Variants in TMEM63A observed in about 807,000 individuals in gnomAD.
The protein encoded by TMEM63A is mechanosensitive cation channel TMEM63A.
Under a neutral mutation model 100.6 loss-of-function variants are expected in TMEM63A, and 76 were observed. That is an observed-to-expected ratio of 0.76 (90% CI 0.63 to 0.91). The LOEUF (loss-of-function observed/expected upper bound fraction) is 0.91. TMEM63A is among the 40% of genes least tolerant of loss of function. The pLI is 0.00. For missense variants in TMEM63A, 876 were observed against 1,008.8 expected, an observed-to-expected ratio of 0.87 and a Z score of 1.78; for synonymous variants, 401 against 401.1, an observed-to-expected ratio of 1.00 and a Z score of 0.00.
intron 2 of TMEM63A, among the ~76,000 whole-genome samples, chr1:225,878,083 C>T (rs187999350): frequency 2.7e-4 from 41 of 152,262 alleles, no homozygotes; most frequent in Non-Finnish European, 1.9e-4. Flanking sequence ...TCCAAGTATT[C>T]ACGATGGTCC....
At position 225,867,875 on chromosome 1, in the gene TMEM63A, G is replaced by A; in HGVS notation, c.514+13C>T. 6.2e-7 allele frequency: 1 copy of A among 1,614,042 alleles called. No individual in the cohort carries two copies. ...CCCATTACAACATAGACAAGGGTGA[G>A]GAGGGTCATTACCCAGCAAGTCCCC... On this transcript the variant is annotated intron_variant, in intron 7 of 24. Transcript: ENST00000366835. The surrounding 1 kb of genome is among the most constrained non-coding windows in gnomAD (Gnocchi z 4.6).
chr1:225,845,237 C>T, downstream of TMEM63A: 1 of 1,614,152 alleles, frequency 6.2e-7, no homozygotes, highest in Non-Finnish European at 8.5e-7. Flanking sequence ...GTACCCAAAG[C>T]TCATCTCCTA....
downstream of TMEM63A, chr1:225,845,499 T>G (rs1282265426): frequency 8.3e-6 from 6 of 724,744 alleles, no homozygotes; most frequent in Non-Finnish European, 1.1e-5. Context: ...CCAAGCTCAC[T>G]CCCCAACCCC....
rs1160961351 is a variant in TMEM63A at position 225,846,304 on chromosome 1, TG to T, written c.*634del. The T allele has an allele frequency of 2.6e-5, 4 of 152,528 alleles. No individual in the cohort carries two copies. The highest frequency in any genetic ancestry group is 4.4e-5 in the Non-Finnish European group (3 of 68,272). The allele number at this position is 152,528 out of a possible 1,614,324, so 9.4% of individuals were successfully genotyped here. A position where few individuals can be genotyped will look rare whatever the true frequency, so the allele number is the denominator to read the frequency against. On this transcript the variant is annotated 3_prime_UTR_variant, in exon 25 of 25. Coordinates refer to ENST00000366835, the MANE Select transcript of TMEM63A (RefSeq NM_014698.3). ...GGTGAGAGAGGCTGGATCTTAACTG[TG>T]GTCCAATGGGCATATTATGAGTGGT...
intron 23 of TMEM63A, 179 bp from the exon 24 acceptor site, chr1:225,847,392 C>T (rs1359425571): frequency 2.4e-5 from 16 of 679,314 alleles, no homozygotes; most frequent in Non-Finnish European, 3.6e-5. Context: ...AATTTCCTAG[C>T]AGCCAGGGCA....
intron 20 of TMEM63A, among the ~76,000 whole-genome samples, chr1:225,850,552 G>T (rs758712499): frequency 3.9e-5 from 6 of 152,154 alleles, no homozygotes; most frequent in Non-Finnish European, 7.4e-5. Context: ...TATTCAGGGG[G>T]TCGGCAATGT....
chr1:225,871,674 C>G (rs1188166783), intron 5 of TMEM63A: 1 of 365,786 alleles, frequency 2.7e-6, no homozygotes, highest in Non-Finnish European at 4.9e-6. Context: ...CTGCCCACAT[C>G]TGGCTCATAA....
At chr1:225,860,780 ACACC>A in intron 14 of TMEM63A, 76 bp downstream of exon 14, 1 of 1,466,708 alleles carries the variant, frequency 6.8e-7, no homozygotes, top group Non-Finnish European at 9.1e-7. Flanking sequence ...CTGCCAGGTC[ACACC>A]TGTGCTCCAG....
intron 15 of TMEM63A, among the ~76,000 whole-genome samples, chr1:225,857,358 A>G (rs1184620908): frequency 1.6e-5 from 2 of 122,028 alleles, no homozygotes; most frequent in Non-Finnish European, 3.2e-5. Flanking sequence ...CTGAACACCG[A>G]AGGCCTGGAG....
At position 225,853,601 on chromosome 1, in the gene TMEM63A, G is replaced by A. The variant is rs7536284; in HGVS notation, c.1797+28C>T. 2.9e-3 allele frequency: 4,365 copies of A among 1,517,880 alleles called. 71 individuals carry two copies. The African/African-American group carries it at 0.04, about 14-fold the overall frequency. 94.0% of individuals were successfully genotyped at this position (1,517,880 alleles called of 1,614,324 possible). A position where few individuals can be genotyped will look rare whatever the true frequency, so the allele number is the denominator to read the frequency against. On this transcript the variant is annotated intron_variant, in intron 19 of 24. Coordinates refer to ENST00000366835, the MANE Select transcript of TMEM63A (RefSeq NM_014698.3). This position sits in a 1 kb window ranked among gnomAD's most constrained non-coding sequence, Gnocchi z 4.0. ...AGGGGGACATGGGAGGGAGTCAGAG[G>A]CACAGCCCTGGGCCCAGGGGATGGC...
Position 225,856,984 on chromosome 1 carries a change from G to T in TMEM63A, c.1411C>A (p.Leu471Met). 1 of 1,590,466 alleles carries T rather than the reference G, an allele frequency of 6.3e-7. No individual in the cohort carries two copies. The highest frequency in any genetic ancestry group is 8.5e-7 in the Non-Finnish European group (1 of 1,173,280). The change falls in exon 16 of 25, where the codon CTG becomes ATG. Residue 471 changes from leucine (L) to methionine (M), a missense_variant. Physicochemically the swap from Leu to Met is conservative, Grantham distance 15 (BLOSUM62 2). Coordinates refer to ENST00000366835, the MANE Select transcript of TMEM63A (RefSeq NM_014698.3). ...PIISQFFPTL[L>M]LWSFSALLPS... ...AGCAGGGCCGAGAAGGACCAGAGCA[G>T]GAGGGTGGGGAAGAACTGGCTGATG...
downstream of TMEM63A, chr1:225,845,397 G>T: frequency 6.5e-7 from 1 of 1,528,124 alleles, no homozygotes; most frequent in Non-Finnish European, 8.8e-7. Flanking sequence ...TGCCCTCCAG[G>T]CTTTTCTTGG....
At chr1:225,860,645 T>C (rs769835499) in intron 14 of TMEM63A, 5 of 411,452 alleles carry the variant, frequency 1.2e-5, no homozygotes, top group Non-Finnish European at 2.1e-5. Context: ...TTCTGCTGGG[T>C]AGCACTTGAA....
At chr1:225,842,900 C>G (rs1194719382), downstream of TMEM63A, among the ~76,000 whole-genome samples, 1 of 152,200 alleles carries the variant, frequency 6.6e-6, no homozygotes, top group East Asian at 1.9e-4. Flanking sequence ...TCTCTCAGAG[C>G]CTTAGAGGCT....
chr1:225,866,658 GGT>G lies in TMEM63A; in HGVS notation c.589_590del (p.Thr197HisfsTer22). The G allele has an allele frequency of 1.2e-6, 2 of 1,614,132 alleles. No homozygotes were observed. The highest frequency in any genetic ancestry group is 1.7e-6 in the Non-Finnish European group (2 of 1,180,008). ...QTDNDLLWLH[T>X]IFAVIYLFLT... ...GGAAGAGGTAAATGACAGCAAAGAT[GGT>G]GTGCAGCCAAAGGAGGTCATTGCTG... On this transcript the variant is annotated frameshift_variant, in exon 9 of 25. Coordinates refer to ENST00000366835, the MANE Select transcript of TMEM63A (RefSeq NM_014698.3). LOFTEE classifies it high-confidence loss of function.
downstream of TMEM63A, chr1:225,844,677 G>A (rs35190332): frequency 1.3e-4 from 210 of 1,607,822 alleles, 1 homozygote; most frequent in East Asian, 3.3e-3. Flanking sequence ...GCAGGGGGAC[G>A]GCCAGTCTTG....
intron 3 of TMEM63A, 48 bp from the exon 4 acceptor site, chr1:225,874,415 A>G (rs369729713): frequency 2.5e-5 from 38 of 1,546,122 alleles, no homozygotes; most frequent in Non-Finnish European, 3.3e-5. Flanking sequence ...ATGGCTTCTC[A>G]TTAGAAGACA....
chr1:225,870,940 C>A, intron 6 of TMEM63A, 136 bp downstream of exon 6: 1 of 904,082 alleles, frequency 1.1e-6, no homozygotes, highest in Non-Finnish European at 1.7e-6. Flanking sequence ...TCACATACTG[C>A]TTTGGACATT....
chr1:225,844,540 C>G (rs777000310), downstream of TMEM63A: 2 of 1,614,054 alleles, frequency 1.2e-6, no homozygotes, highest in Admixed American at 1.7e-5. Context: ...TCATGCTCTA[C>G]TGGACAACAG....
Sources: gnomAD v4.1 joint callset for allele counts (sites outside exome capture counted in the v4.1 genomes callset) on GRCh38, gnomAD v4.1.1 for gene constraint, Gnocchi (gnomAD v3.1) non-coding constraint, MANE v1.5 for transcripts, NCBI Gene and HGNC (gene_info 2026-07-23, HGNC 2026-07-21) for gene names.